Variants in RASSF1 observed in about 807,000 individuals in gnomAD.
RASSF1 encodes Ras association domain family member 1.
RASSF1 carries 33 observed loss-of-function variants against 34.3 expected under a neutral mutation model. That is an observed-to-expected ratio of 0.96 (90% confidence interval 0.73 to 1.29). RASSF1 has a LOEUF of 1.29. RASSF1 is among the 50% of genes most tolerant of loss of function. The pLI is 0.00. For missense variants in RASSF1, 445 were observed against 471.8 expected (o/e 0.94, Z 0.53); for synonymous variants, 191 against 195.0 (o/e 0.98, Z 0.17).
Position 50,338,008 on chromosome 3 carries a change from C to A in RASSF1, c.254G>T (p.Cys85Phe). 6.3e-7 allele frequency: 1 copy of A among 1,584,544 alleles called. No homozygotes were observed. Among genetic ancestry groups the A allele is most frequent in the Non-Finnish European group, 8.6e-7 (1 of 1,165,714 alleles). The change falls in exon 2 of 6, where the codon TGC (cysteine) becomes TTC (phenylalanine). Residue 85 changes from cysteine (C) to phenylalanine (F), a missense_variant. Transcript: ENST00000359365. ...VVRKGLQCAH[C>F]KFTCHYRCRA... ...GCAGCGGTAGTGGCAGGTGAACTTGCAATCTGCAGAGAGGCCTGGCGGTGA... is the reference window on the plus strand; with the variant it reads ...GCAGCGGTAGTGGCAGGTGAACTTGAAATCTGCAGAGAGGCCTGGCGGTGA...
At position 50,331,926 on chromosome 3, in the gene RASSF1, C is replaced by T. The variant is rs1702960532; in HGVS notation, c.463-70G>A. 17 of 1,554,252 alleles carry T rather than the reference C, an allele frequency of 1.1e-5. No individual in the cohort carries two copies. The South Asian group carries it at 1.8e-4, about 17-fold the overall frequency. ...AGATGTCAGTCTACTTGGGGCTAGG[C>T]TGGGTATGCACAAATTACTGCTTGC... On this transcript the variant is annotated intron_variant, in intron 3 of 5. Transcript: ENST00000359365.
chr3:50,330,823 G>A lies in RASSF1; in HGVS notation c.877-96C>T. 1 of 1,358,104 alleles carries A rather than the reference G, an allele frequency of 7.4e-7. No homozygotes were observed. Among genetic ancestry groups the A allele is most frequent in the East Asian group, 2.4e-5 (1 of 41,032 alleles). 84.1% of individuals were successfully genotyped at this position (1,358,104 alleles called of 1,614,324 possible). A position where few individuals can be genotyped will look rare whatever the true frequency, so the allele number is the denominator to read the frequency against. On this transcript the variant is annotated intron_variant, in intron 5 of 5. Coordinates refer to ENST00000359365, the MANE Select transcript of RASSF1 (RefSeq NM_007182.5). The surrounding 1 kb of genome is among the most constrained non-coding windows in gnomAD (Gnocchi z 4.5). Reference sequence around the variant, plus strand: ...AGACTAGCACCTCATGTTCACACAAGCTAGGACTGGGCTTTCTGATGTCAG... The same window carrying A: ...AGACTAGCACCTCATGTTCACACAAACTAGGACTGGGCTTTCTGATGTCAG...
chr3:50,331,930 G>A, intron 3 of RASSF1, 74 bp from the exon 4 acceptor site: 8 of 1,555,748 alleles, frequency 5.1e-6, no homozygotes, highest in Non-Finnish European at 6.1e-6. Flanking sequence ...GCTAGGCTGG[G>A]TATGCACAAA....
chr3:50,337,717 G>A (rs1703209678), intron 2 of RASSF1, 188 bp downstream of exon 2: 4 of 836,066 alleles, frequency 4.8e-6, no homozygotes, highest in South Asian at 1.8e-5. Flanking sequence ...TGCAGCGGGT[G>A]GAGTACTTGC....
intron 2 of RASSF1, chr3:50,337,431 G>A (rs587734734): frequency 4.4e-6 from 7 of 1,578,894 alleles, no homozygotes; most frequent in East Asian, 2.3e-5. Flanking sequence ...GGCCAGAGCC[G>A]CGCCGCAACC....
At position 50,340,646 on chromosome 3, in the gene RASSF1, A is replaced by G; in HGVS notation, c.160T>C (p.Phe54Leu). Residue 54 changes from phenylalanine to leucine, a missense_variant, in exon 1 of 6, where the codon TTC becomes CTC. Transcript: ENST00000359365. ...RQLVPGRGHR[F>L]QPAGPATHTW... ...TGCGTGGCGGGCCCCGCGGGCTGGAAGCGGTGGCCACGGCCAGGGACCAGC... is the reference window on the plus strand; with the variant it reads ...TGCGTGGCGGGCCCCGCGGGCTGGAGGCGGTGGCCACGGCCAGGGACCAGC... The G allele has an allele frequency of 6.6e-7, 1 of 1,526,352 alleles. No individual in the cohort carries two copies. The highest frequency in any genetic ancestry group is 8.7e-7 in the Non-Finnish European group (1 of 1,147,400). 94.6% of individuals were successfully genotyped at this position (1,526,352 alleles called of 1,614,324 possible).
intron 1 of RASSF1, among the ~76,000 whole-genome samples, chr3:50,338,622 G>C (rs895846554): frequency 2.6e-5 from 4 of 152,142 alleles, no homozygotes; most frequent in African/African-American, 4.8e-5. Flanking sequence ...CCATTTACTT[G>C]AAGGAAAAAC....
intron 1 of RASSF1, among the ~76,000 whole-genome samples, chr3:50,340,304 G>T (rs751153561): frequency 6.6e-6 from 1 of 152,192 alleles, no homozygotes; most frequent in African/African-American, 2.4e-5. Context: ...GCATTTTAAA[G>T]ATAAGAAACT....
intron 2 of RASSF1, chr3:50,337,685 T>C (rs1703207292): frequency 2.3e-6 from 2 of 856,948 alleles, no homozygotes; most frequent in Non-Finnish European, 3.6e-6. Context: ...GGAGCCTGGG[T>C]CAGCCTGGGC....
rs61758759 is a variant in RASSF1, at chr3:50,340,667, C to A, written c.139G>T (p.Val47Phe). 2.7e-3 allele frequency: 4,148 copies of A among 1,532,988 alleles called. 80 individuals are homozygous for A. The African/African-American group carries it at 0.051, about 19-fold the overall frequency. The allele number at this position is 1,532,988 out of a possible 1,614,324, so 95.0% of individuals were successfully genotyped here. A position where few individuals can be genotyped will look rare whatever the true frequency, so the allele number is the denominator to read the frequency against. Residue 47 changes from valine to phenylalanine, a missense_variant, in exon 1 of 6, where the codon GTC (valine) becomes TTC (phenylalanine). Coordinates refer to ENST00000359365, the MANE Select transcript of RASSF1 (RefSeq NM_007182.5). ...TGGAAGCGGTGGCCACGGCCAGGGACCAGCTGCCGTGTGGGGTTGCACGCG... is the reference window on the plus strand; with the variant it reads ...TGGAAGCGGTGGCCACGGCCAGGGAACAGCTGCCGTGTGGGGTTGCACGCG... ...GTACNPTRQL[V>F]PGRGHRFQPA...
At chr3:50,334,019 C>T (rs1040243207) in intron 2 of RASSF1, among the ~76,000 whole-genome samples, 3 of 152,182 alleles carry the variant, frequency 2.0e-5, no homozygotes, top group Admixed American at 6.5e-5. Flanking sequence ...CAGAAGAATT[C>T]CCACAAGGTT....
At chr3:50,337,433 G>A in intron 2 of RASSF1, 1 of 1,577,778 alleles carries the variant, frequency 6.3e-7, no homozygotes, top group Non-Finnish European at 8.6e-7. Flanking sequence ...CCAGAGCCGC[G>A]CCGCAACCGT....
intron 3 of RASSF1, 61 bp from the exon 4 acceptor site, chr3:50,331,917 G>C: frequency 6.5e-7 from 1 of 1,549,694 alleles, no homozygotes; most frequent in Non-Finnish European, 8.7e-7. Context: ...CAGTCTACTT[G>C]GGGCTAGGCT....
Position 50,337,672 on chromosome 3 carries a change from C to A in RASSF1, c.357+233G>T, listed in dbSNP as rs935220329. On this transcript the variant is annotated intron_variant, in intron 2 of 5. Coordinates refer to ENST00000359365, the MANE Select transcript of RASSF1 (RefSeq NM_007182.5). Reference sequence around the variant, plus strand: ...CGGGAAGGTGCGGGAAGTGCGCGTGCGCGGAGCCTGGGTCAGCCTGGGCCC... The same window carrying A: ...CGGGAAGGTGCGGGAAGTGCGCGTGAGCGGAGCCTGGGTCAGCCTGGGCCC... The A allele has an allele frequency of 1.4e-5, 12 of 886,722 alleles. No individual in the cohort carries two copies. In the Admixed American group the frequency reaches 3.2e-4, roughly 24 times the overall value. The allele number at this position is 886,722 out of a possible 1,614,324, so 54.9% of individuals were successfully genotyped here. A position where few individuals can be genotyped will look rare whatever the true frequency, so the allele number is the denominator to read the frequency against.
chr3:50,331,106 C>G (rs1352971476), intron 5 of RASSF1, among the ~76,000 whole-genome samples: 1 of 152,190 alleles, frequency 6.6e-6, no homozygotes, highest in African/African-American at 2.4e-5. Flanking sequence ...ATTTTCCACA[C>G]CAGGAAAGAT....
intron 1 of RASSF1, among the ~76,000 whole-genome samples, chr3:50,339,929 A>G (rs1051600149): frequency 6.6e-6 from 1 of 152,214 alleles, no homozygotes; most frequent in Non-Finnish European, 1.5e-5. Flanking sequence ...GATCCAGGCT[A>G]GCGGGGAGGA....
chr3:50,338,994 C>G (rs1703266175), intron 1 of RASSF1, among the ~76,000 whole-genome samples: 1 of 152,224 alleles, frequency 6.6e-6, no homozygotes, highest in Non-Finnish European at 1.5e-5. Context: ...AGTCTGGGCT[C>G]AGTCCTGATC....
rs769900898 is a variant in RASSF1, at chr3:50,331,746, G to A, written c.573C>T (p.Gly191=). Reference sequence around the variant, plus strand: ...GCCTGACACTTGTGCCCCGTCCTGGGCCCCGCCGGGCATCCTGCAAGGAGG... The same window carrying A: ...GCCTGACACTTGTGCCCCGTCCTGGACCCCGCCGGGCATCCTGCAAGGAGG... ...KPPSLQDARR[G]PGRGTSVRRR... Residue 191 remains glycine (G), a synonymous_variant, in exon 4 of 6, where the codon GGC becomes GGT. Transcript: ENST00000359365. 2.5e-6 allele frequency: 4 copies of A among 1,611,054 alleles called. No individual in the cohort carries two copies. In the South Asian group the frequency reaches 3.3e-5, roughly 13 times the overall value.
chr3:50,337,747 C>T (rs1703210918), intron 2 of RASSF1, 158 bp downstream of exon 2: 1 of 894,164 alleles, frequency 1.1e-6, no homozygotes, highest in Non-Finnish European at 1.7e-6. Context: ...AATCCAGGCT[C>T]CCCTCCCAGC....
Sources: allele counts gnomAD v4.1 joint callset (sites outside exome capture counted in the v4.1 genomes callset), GRCh38; gene constraint gnomAD v4.1.1; non-coding constraint Gnocchi (gnomAD v3.1); transcripts MANE v1.5; gene names NCBI Gene and HGNC (gene_info 2026-07-23, HGNC 2026-07-21).